Variants in LINGO2 observed in about 807,000 individuals in gnomAD.
LINGO2 encodes the protein leucine rich repeat and Ig domain containing 2.
LINGO2 carries 14 observed loss-of-function variants against 30.6 expected under a neutral mutation model. The observed-to-expected ratio is 0.46, with a 90% CI of 0.30 to 0.72. The LOEUF is 0.72. Among genes scored for constraint, LINGO2 ranks in the 30% least tolerant of loss-of-function variants. LINGO2 has a pLI of 0.07. For missense variants in LINGO2, 729 were observed against 751.7 expected (o/e 0.97, Z 0.35); for synonymous variants, 317 against 288.5 (o/e 1.10, Z -1.00).
intron 4 of LINGO2, among the ~76,000 whole-genome samples, chr9:28,209,780 G>A (rs1376950516): frequency 6.6e-6 from 1 of 151,534 alleles, no homozygotes; most frequent in African/African-American, 2.4e-5. Context: ...TAATACCATG[G>A]CAAGGTTAAT....
intron 5 of LINGO2, among the ~76,000 whole-genome samples, chr9:27,991,407 A>C (rs1821392459): frequency 2.0e-5 from 3 of 152,032 alleles, no homozygotes; most frequent in Admixed American, 2.0e-4. Context: ...GTTATTCCAT[A>C]AGCCCTGGCA....
intron 1 of LINGO2, among the ~76,000 whole-genome samples, chr9:28,556,086 A>G (rs1587854407): frequency 2.0e-5 from 3 of 152,186 alleles, no homozygotes; most frequent in Admixed American, 2.0e-4. Flanking sequence ...AAATGGGCAC[A>G]AGACAGGGAT....
the LINGO2 span, among the ~76,000 whole-genome samples, chr9:28,946,049 T>A: frequency 6.6e-6 from 1 of 152,190 alleles, no homozygotes; most frequent in South Asian, 2.1e-4. Flanking sequence ...ATCAAACCTA[T>A]CAGTAGATCT....
chr9:28,836,955 G>A, the LINGO2 span, among the ~76,000 whole-genome samples: 4 of 152,122 alleles, frequency 2.6e-5, no homozygotes, highest in Non-Finnish European at 5.9e-5. Context: ...CTAACATTGG[G>A]AAAGTTGGTA....
chr9:28,467,038 G>T (rs937225884), intron 2 of LINGO2, among the ~76,000 whole-genome samples: 16 of 149,484 alleles, frequency 1.1e-4, no homozygotes, highest in South Asian at 1.1e-3. Context: ...TTTTTTTTGG[G>T]GGGGGGGGAC....
chr9:28,579,210 T>C (rs190361673), intron 1 of LINGO2, among the ~76,000 whole-genome samples: 1 of 152,210 alleles, frequency 6.6e-6, no homozygotes, highest in East Asian at 1.9e-4. Context: ...TCATCAATTG[T>C]GAGTTTTCTT....
chr9:29,182,510 G>C, the LINGO2 span, among the ~76,000 whole-genome samples: 1 of 152,120 alleles, frequency 6.6e-6, no homozygotes, highest in South Asian at 2.1e-4. Context: ...CTCTTCCCAG[G>C]ATGACTAAAT....
At chr9:29,109,463 C>G in the LINGO2 span, among the ~76,000 whole-genome samples, 10 of 152,098 alleles carry the variant, frequency 6.6e-5, no homozygotes, top group African/African-American at 2.4e-4. Context: ...ATATTAGATC[C>G]ATGCAATTTG....
At chr9:28,094,756 A>T (rs969898933) in intron 4 of LINGO2, among the ~76,000 whole-genome samples, 1 of 152,078 alleles carries the variant, frequency 6.6e-6, no homozygotes, top group Non-Finnish European at 1.5e-5. Context: ...AGATGAAATC[A>T]TACTGAAAAG....
At chr9:28,558,955 A>G (rs543464941) in intron 1 of LINGO2, among the ~76,000 whole-genome samples, 1 of 152,220 alleles carries the variant, frequency 6.6e-6, no homozygotes, top group South Asian at 2.1e-4. Context: ...AAAGAGATTT[A>G]GAGAAAAAAG....
chr9:28,189,669 GAGGA>G (rs67156474), intron 4 of LINGO2, among the ~76,000 whole-genome samples: 1 of 19,576 alleles, frequency 5.1e-5, no homozygotes, highest in Non-Finnish European at 1.0e-4. Context: ...GGAAGGAAGG[GAGGA>G]AGGAAGGAAG....
At chr9:28,342,937 G>T (rs1819408285) in intron 3 of LINGO2, among the ~76,000 whole-genome samples, 1 of 152,138 alleles carries the variant, frequency 6.6e-6, no homozygotes, top group African/African-American at 2.4e-5. Context: ...TGTTTCAGGT[G>T]AGTGGCTTTA....
the LINGO2 span, among the ~76,000 whole-genome samples, chr9:29,000,591 A>T: frequency 1.3e-5 from 2 of 151,974 alleles, no homozygotes; most frequent in Non-Finnish European, 2.9e-5. Context: ...CTATTCTTAC[A>T]TTCTGAAATA....
At chr9:28,008,685 G>C (rs374503227) in intron 5 of LINGO2, among the ~76,000 whole-genome samples, 1 of 152,032 alleles carries the variant, frequency 6.6e-6, no homozygotes, top group Non-Finnish European at 1.5e-5. Context: ...ATTTCCAATA[G>C]CATCAAGAAG....
At chr9:29,122,452 T>G in the LINGO2 span, among the ~76,000 whole-genome samples, 30 of 152,212 alleles carry the variant, frequency 2.0e-4, no homozygotes, top group Admixed American at 8.5e-4. Flanking sequence ...CAATGGTACT[T>G]CATGAGGTAA....
the LINGO2 span, among the ~76,000 whole-genome samples, chr9:28,711,009 G>T: frequency 1.3e-5 from 2 of 151,930 alleles, no homozygotes; most frequent in Non-Finnish European, 2.9e-5. Context: ...ACAGATCTGG[G>T]TTTTGATACT....
At chr9:28,874,347 A>G in the LINGO2 span, among the ~76,000 whole-genome samples, 1 of 152,076 alleles carries the variant, frequency 6.6e-6, no homozygotes. Flanking sequence ...GATTAAAAAA[A>G]TCAAAATAAA....
chr9:28,688,949 A>C, the LINGO2 span, among the ~76,000 whole-genome samples: 2 of 152,112 alleles, frequency 1.3e-5, no homozygotes, highest in African/African-American at 4.8e-5. Context: ...CAGCCCCCCG[A>C]TCCTCATCTG....
At chr9:28,511,568 GATT>G (rs1820387817) in intron 1 of LINGO2, among the ~76,000 whole-genome samples, 1 of 152,166 alleles carries the variant, frequency 6.6e-6, no homozygotes, top group Admixed American at 6.5e-5. Context: ...CTATCCAGTT[GATT>G]ATTAAAATCC....
Sources: allele counts gnomAD v4.1 joint callset (sites outside exome capture counted in the v4.1 genomes callset), GRCh38; gene constraint gnomAD v4.1.1; transcripts MANE v1.5; gene names NCBI Gene and HGNC (gene_info 2026-07-23, HGNC 2026-07-21).